Variants in FANCD2OS observed in about 807,000 individuals in gnomAD.
The protein encoded by FANCD2OS is FANCD2 opposite strand, also known as FANCD2 opposite strand protein.
A neutral mutation model predicts 13.2 loss-of-function variants in FANCD2OS; 11 were observed. That is an observed-to-expected ratio of 0.83 (90% CI 0.52 to 1.38). FANCD2OS has a LOEUF of 1.38. Among genes scored for constraint, FANCD2OS ranks in the 40% most tolerant of loss-of-function variants. The pLI, the probability that FANCD2OS is intolerant of heterozygous loss-of-function variation, is 0.00. For missense variants in FANCD2OS, 217 were observed against 213.9 expected, an observed-to-expected ratio of 1.01 and a Z score of -0.09; for synonymous variants, 69 against 84.5, an observed-to-expected ratio of 0.82 and a Z score of 1.01.
intron 2 of FANCD2OS, among the ~76,000 whole-genome samples, chr3:10,082,257 C>T (rs1418444964): frequency 6.6e-6 from 1 of 152,144 alleles, no homozygotes; most frequent in Non-Finnish European, 1.5e-5. Flanking sequence ...ATCTGATTGC[C>T]AAATCCTGTT....
chr3:10,099,227 A>G, downstream of FANCD2OS: 1 of 1,345,378 alleles, frequency 7.4e-7, no homozygotes, highest in Non-Finnish European at 9.6e-7. Flanking sequence ...AAGCCAAAGC[A>G]CAGAGTCAGA....
chr3:10,104,735 C>G lies in FANCD2OS; in HGVS notation c.40G>C (p.Asp14His), dbSNP rs888351394. The G allele has an allele frequency of 6.2e-7, 1 of 1,605,766 alleles. No individual in the cohort carries two copies. The highest frequency in any genetic ancestry group is 8.5e-7 in the Non-Finnish European group (1 of 1,175,720). Residue 14 changes from aspartate (D) to histidine (H), a missense_variant, in exon 2 of 2, where the codon GAT becomes CAT. Coordinates refer to ENST00000450660, the MANE Select transcript of FANCD2OS (RefSeq NM_001164839.2). ...TGCCGCAGCCATTGGAAACTCTCAT[C>G]CAGTGGGGTCCATGGTGACCAGAGC... is the stretch of plus-strand genomic sequence containing the variant. ...YQLWSPWTPL[D>H]ESFQWLRHTT...
At chr3:10,098,930 C>A (rs78896323), downstream of FANCD2OS, 509 of 1,614,148 alleles carry the variant, frequency 3.2e-4, no homozygotes, top group African/African-American at 6.2e-3. Context: ...GCTTCTATGC[C>A]CATTTCCATT....
At chr3:10,101,530 C>T (rs890366905), downstream of FANCD2OS, 17 of 447,602 alleles carry the variant, frequency 3.8e-5, no homozygotes, top group Admixed American at 4.3e-4. Flanking sequence ...GGACGACAGG[C>T]ACATGCCACC....
Position 10,104,567 on chromosome 3 carries a change from G to C in FANCD2OS, c.208C>G (p.Pro70Ala), listed in dbSNP as rs1343077792. The C allele has an allele frequency of 6.2e-7, 1 of 1,614,042 alleles. No homozygotes were observed. The highest frequency in any genetic ancestry group is 2.2e-5 in the East Asian group (1 of 44,892). ...TCTGATGTGTGGCAGGGTAACTTGG[G>C]ACTCACTCCAGATTCCAGGAATGGG... is the stretch of plus-strand genomic sequence containing the variant. ...DSPFLESGVS[P>A]KLPCHTSELR... Residue 70 changes from proline (P) to alanine (A), a missense_variant, in exon 2 of 2, where the codon CCC becomes GCC. Transcript: ENST00000450660.
downstream of FANCD2OS, among the ~76,000 whole-genome samples, chr3:10,101,024 A>G (rs773091344): frequency 9.9e-5 from 15 of 152,004 alleles, no homozygotes; most frequent in Admixed American, 2.0e-4. Context: ...AGCTGAGATC[A>G]TGCCACTGCA....
chr3:10,105,765 AAAAAAAT>A (rs1319928407), intron 1 of FANCD2OS, among the ~76,000 whole-genome samples: 3,743 of 62,560 alleles, frequency 0.06, 535 homozygotes, highest in African/African-American at 0.33. Context: ...AAAAAAAAAA[AAAAAAAT>A]TATATATATA....
chr3:10,104,564 T>G lies in FANCD2OS; in HGVS notation c.211A>C (p.Lys71Gln). The change falls in exon 2 of 2, where the codon AAG becomes CAG. Residue 71 changes from lysine to glutamine, a missense_variant. Lys to Gln is a moderately conservative substitution (Grantham distance 53). Coordinates refer to ENST00000450660, the MANE Select transcript of FANCD2OS (RefSeq NM_001164839.2). ...SPFLESGVSP[K>Q]LPCHTSELRT... ...AACTCTGATGTGTGGCAGGGTAACTTGGGACTCACTCCAGATTCCAGGAAT... is the reference window on the plus strand; with the variant it reads ...AACTCTGATGTGTGGCAGGGTAACTGGGGACTCACTCCAGATTCCAGGAAT... 4 of 1,614,168 alleles carry G rather than the reference T, an allele frequency of 2.5e-6. No individual in the cohort carries two copies. In the African/African-American group the frequency reaches 4.0e-5, roughly 16 times the overall value.
At chr3:10,093,417 C>A in intron 2 of FANCD2OS, 1 of 1,089,242 alleles carries the variant, frequency 9.2e-7, no homozygotes, top group Non-Finnish European at 1.4e-6. Context: ...AATTTCTTGC[C>A]CACAAGCCAG....
At chr3:10,087,837 C>T (rs1452664273) in intron 2 of FANCD2OS, among the ~76,000 whole-genome samples, 3 of 151,856 alleles carry the variant, frequency 2.0e-5, no homozygotes, top group Non-Finnish European at 4.4e-5. Context: ...TTAGTGGAGA[C>T]GGGGTTTCAC....
At chr3:10,081,405 C>A in exon 3 of FANCD2OS, 1 of 1,614,018 alleles carries the variant, frequency 6.2e-7, no homozygotes, top group Non-Finnish European at 8.5e-7. Flanking sequence ...TTCAGGAGTA[C>A]CACATAATGT....
chr3:10,094,228 C>T, intron 2 of FANCD2OS: 1 of 1,259,974 alleles, frequency 7.9e-7, no homozygotes. Context: ...GACTATTCTG[C>T]CTCAGGGGCC....
At chr3:10,088,700 C>T (rs937744739) in intron 2 of FANCD2OS, 29 of 1,154,826 alleles carry the variant, frequency 2.5e-5, no homozygotes, top group Non-Finnish European at 3.0e-5. Context: ...ATCTTAAGAT[C>T]CTCTGGTTCT....
At chr3:10,107,872 T>C (rs141845553) in intron 1 of FANCD2OS, 143 bp downstream of exon 1, 4,903 of 152,212 alleles carry the variant, frequency 0.032, 124 homozygotes, top group Non-Finnish European at 0.048. Context: ...TGTCAACCAC[T>C]CCAGAAGGGC....
chr3:10,083,887 CAAA>C (rs1301118343), intron 2 of FANCD2OS, among the ~76,000 whole-genome samples: 1 of 43,838 alleles, frequency 2.3e-5, no homozygotes. Context: ...GACTCCGTCT[CAAA>C]AAAAAAAAAA....
chr3:10,104,932 ATTATTTTATT>A (rs113292025), intron 1 of FANCD2OS, 150 bp from the exon 2 acceptor site: 3 of 473,192 alleles, frequency 6.3e-6, no homozygotes, highest in Non-Finnish European at 1.0e-5. Context: ...GATATTAGTA[ATTATTTTATT>A]TTATTTTATT....
At chr3:10,099,287 T>C, downstream of FANCD2OS, 1 of 1,264,686 alleles carries the variant, frequency 7.9e-7, no homozygotes, top group Non-Finnish European at 1.0e-6. Context: ...TTACGCTTTT[T>C]TGTGGTACAG....
downstream of FANCD2OS, chr3:10,098,951 C>A (rs559093929): frequency 6.2e-7 from 1 of 1,614,086 alleles, no homozygotes; most frequent in Admixed American, 1.7e-5. Flanking sequence ...CCCTCCATAA[C>A]AGCTTCTGTG....
At chr3:10,090,251 T>C (rs1363774110) in intron 2 of FANCD2OS, 1 of 1,427,148 alleles carries the variant, frequency 7.0e-7, no homozygotes, top group Non-Finnish European at 9.9e-7. Flanking sequence ...TTCTAAGCAG[T>C]GCATCATGGT....
Sources: allele counts gnomAD v4.1 joint callset (sites outside exome capture counted in the v4.1 genomes callset), GRCh38; gene constraint gnomAD v4.1.1; transcripts MANE v1.5; gene names NCBI Gene and HGNC (gene_info 2026-07-23, HGNC 2026-07-21).